Variants in DMAP1 observed in about 807,000 individuals in gnomAD.
The protein encoded by DMAP1 is DNA methyltransferase 1-associated protein 1.
DMAP1 carries 26 observed loss-of-function variants against 52.7 expected under a neutral mutation model. That is an observed-to-expected ratio of 0.49 (90% CI 0.36 to 0.68). The LOEUF (loss-of-function observed/expected upper bound fraction) is 0.68. Among genes scored for constraint, DMAP1 ranks in the 30% least tolerant of loss-of-function variants. The pLI, the probability that DMAP1 is intolerant of heterozygous loss-of-function variation, is 0.00. For synonymous variants in DMAP1, 231 were observed against 246.0 expected (o/e 0.94, Z 0.57); for missense variants, 439 against 625.2 (o/e 0.70, Z 3.18).
rs943861181 is a variant in DMAP1, at chr1:44,218,829, AACTCCC to A, written c.720+82_720+87del. On this transcript the variant is annotated intron_variant, in intron 5 of 9. Coordinates refer to ENST00000372289, the MANE Select transcript of DMAP1 (RefSeq NM_019100.5). The surrounding 1 kb of genome is among the most constrained non-coding windows in gnomAD (Gnocchi z 5.6). ...CATTGTCTCCATCCTCCATCCCCTC[AACTCCC>A]ACTCCCAGGTCCCCCTGCCTCCCAC... The A allele has an allele frequency of 2.5e-5, 39 of 1,532,010 alleles. No homozygotes were observed. In the Admixed American group the frequency reaches 7.4e-4, roughly 29 times the overall value. 94.9% of individuals were successfully genotyped at this position (1,532,010 alleles called of 1,614,324 possible). A position where few individuals can be genotyped will look rare whatever the true frequency, so the allele number is the denominator to read the frequency against.
Position 44,213,688 on chromosome 1 carries a change from C to T in DMAP1, c.-66C>T. On this transcript the variant is annotated 5_prime_UTR_variant, in exon 1 of 10. Coordinates refer to ENST00000372289, the MANE Select transcript of DMAP1 (RefSeq NM_019100.5). This position sits in a 1 kb window ranked among gnomAD's most constrained non-coding sequence, Gnocchi z 4.5. ...GTCTGGATTGGCCCCGCCCCCTGAC[C>T]TGAGCCTGGTCCTTCTTCAGGCACT... 6.7e-7 allele frequency: 1 copy of T among 1,484,610 alleles called. No homozygotes were observed. Among genetic ancestry groups the T allele is most frequent in the Non-Finnish European group, 9.2e-7 (1 of 1,088,638 alleles). 92.0% of individuals were successfully genotyped at this position (1,484,610 alleles called of 1,614,324 possible). A position where few individuals can be genotyped will look rare whatever the true frequency, so the allele number is the denominator to read the frequency against.
chr1:44,220,183 C>T lies in DMAP1; in HGVS notation c.1218C>T (p.Gly406=). 1.2e-6 allele frequency: 2 copies of T among 1,604,784 alleles called. No homozygotes were observed. The highest frequency in any genetic ancestry group is 2.7e-5 in the African/African-American group (2 of 74,900). ...TGGCCCGGGCTGGTGTGCTAGGGGG[C>T]CCTGCCACACCAGCATCAGGCCCAG... ...EALARAGVLG[G]PATPASGPGP... Residue 406 remains glycine, a synonymous_variant, in exon 9 of 10, where the codon GGC becomes GGT. Transcript: ENST00000372289.
chr1:44,218,688 T>C lies in DMAP1; in HGVS notation c.653T>C (p.Phe218Ser). ...GGCACAGACCTTAAGATACCAGTAT[T>C]TGATGCTGGGCACGAACGACGGCGG... ...VPGTDLKIPV[F>S]DAGHERRRKE... The change falls in exon 5 of 10, where the codon TTT (phenylalanine) becomes TCT (serine). Residue 218 changes from phenylalanine to serine, a missense_variant. This residue lies in a region of DMAP1 where 142 missense variants were observed against 149.5 expected (regional missense o/e 0.95). Transcript: ENST00000372289. This position sits in a 1 kb window ranked among gnomAD's most constrained non-coding sequence, Gnocchi z 5.6. 6.2e-7 allele frequency: 1 copy of C among 1,613,918 alleles called. No homozygotes were observed.
In DMAP1 at chr1:44,218,885, C is replaced by A; in HGVS notation, c.720+130C>A. ...CTGATACCTTATTAACTGCCCCAAG[C>A]CCATTCCTACTTCTCATGGGCCATC... On this transcript the variant is annotated intron_variant, in intron 5 of 9. Coordinates refer to ENST00000372289, the MANE Select transcript of DMAP1 (RefSeq NM_019100.5). This position sits in a 1 kb window ranked among gnomAD's most constrained non-coding sequence, Gnocchi z 5.6. 1 of 1,418,514 alleles carries A rather than the reference C, an allele frequency of 7.0e-7. No individual in the cohort carries two copies. The highest frequency in any genetic ancestry group is 2.4e-5 in the East Asian group (1 of 42,336). The allele number at this position is 1,418,514 out of a possible 1,614,324, so 87.9% of individuals were successfully genotyped here.
chr1:44,220,375 A>G, intron 9 of DMAP1, 66 bp downstream of exon 9: 1 of 1,522,674 alleles, frequency 6.6e-7, no homozygotes, highest in Non-Finnish European at 8.8e-7. Context: ...ACATGGGTGT[A>G]GGGGCTCCTC....
chr1:44,217,820 GGTA>G (rs1643825692), intron 3 of DMAP1: 1 of 234,882 alleles, frequency 4.3e-6, no homozygotes, highest in Admixed American at 4.9e-5. Context: ...TGCGTATGTT[GGTA>G]GTAGGATTCA....
intron 9 of DMAP1, 80 bp downstream of exon 9, chr1:44,220,389 C>G: frequency 6.6e-7 from 1 of 1,523,842 alleles, no homozygotes; most frequent in Non-Finnish European, 8.8e-7. Context: ...GCTCCTCTCC[C>G]TCTAGTGCCT....
intron 3 of DMAP1, chr1:44,217,109 AG>A (rs1413950311): frequency 1.3e-5 from 2 of 152,256 alleles, no homozygotes; most frequent in African/African-American, 2.4e-5. Context: ...AAAATTATAA[AG>A]ACAAAATACA....
In DMAP1 at chr1:44,218,778, G is replaced by A; in HGVS notation, c.720+23G>A. 2 of 1,579,752 alleles carry A rather than the reference G, an allele frequency of 1.3e-6. No individual in the cohort carries two copies. The highest frequency in any genetic ancestry group is 1.7e-6 in the Non-Finnish European group (2 of 1,158,284). On this transcript the variant is annotated intron_variant, in intron 5 of 9. Coordinates refer to ENST00000372289, the MANE Select transcript of DMAP1 (RefSeq NM_019100.5). The surrounding 1 kb of genome is among the most constrained non-coding windows in gnomAD (Gnocchi z 5.6). ...CAGGTAAGCCCAAGGCCACATACCT[G>A]TCCTCCATGCCCCAAACCCCTTGCT...
Position 44,219,154 on chromosome 1 carries a change from A to T in DMAP1, c.819A>T (p.Thr273=). The T allele has an allele frequency of 6.2e-7, 1 of 1,614,202 alleles. No homozygotes were observed. Among genetic ancestry groups the T allele is most frequent in the South Asian group, 1.1e-5 (1 of 91,080 alleles). Residue 273 remains threonine, a synonymous_variant, in exon 6 of 10, where the codon ACA becomes ACT. Coordinates refer to ENST00000372289, the MANE Select transcript of DMAP1 (RefSeq NM_019100.5). Reference sequence around the variant, plus strand: ...GCCAGGACCTGCAGAAGCTGATCACAGCGGCAGACACCACTGCAGAGCAGC... The same window carrying T: ...GCCAGGACCTGCAGAAGCTGATCACTGCGGCAGACACCACTGCAGAGCAGC... The part of the protein sequence containing the change: ...KRSQDLQKLI[T]AADTTAEQRR...
chr1:44,217,158 A>C (rs1312962530), intron 3 of DMAP1: 1 of 152,262 alleles, frequency 6.6e-6, no homozygotes, highest in Non-Finnish European at 1.5e-5. Flanking sequence ...ACAGCATACA[A>C]TTGCTGTAAA....
In DMAP1 at chr1:44,213,989, C is replaced by G. The variant is rs1238637850; in HGVS notation, c.105+131C>G. ...CGATAAAAGGGGTGACATAACAGGA[C>G]AGGGAATATGTGTCATCCTTGATGG... On this transcript the variant is annotated intron_variant, in intron 1 of 9. Transcript: ENST00000372289. This position sits in a 1 kb window ranked among gnomAD's most constrained non-coding sequence, Gnocchi z 4.5. The G allele has an allele frequency of 1.2e-6, 1 of 834,300 alleles. No individual in the cohort carries two copies. The highest frequency in any genetic ancestry group is 1.9e-6 in the Non-Finnish European group (1 of 516,930). 51.7% of individuals were successfully genotyped at this position (834,300 alleles called of 1,614,324 possible).
In DMAP1 at chr1:44,219,232, T is replaced by C. The variant is rs1319193864; in HGVS notation, c.897T>C (p.Ala299=). ...AGAAGCTACCCCAGAAAAAGGAGGC[T>C]GAGAAGCCGGTGCGGAGGTTCCGCC... ...PKKKLPQKKE[A]EKPAVPETAG... is the part of the protein sequence containing the mutation. The change falls in exon 6 of 10, where the codon GCT becomes GCC. Residue 299 remains alanine, a synonymous_variant. Transcript: ENST00000372289. 1.2e-6 allele frequency: 2 copies of C among 1,613,100 alleles called. No individual in the cohort carries two copies. The highest frequency in any genetic ancestry group is 2.2e-5 in the East Asian group (1 of 44,884).
intron 3 of DMAP1, chr1:44,216,608 C>T (rs1404559599): frequency 6.6e-6 from 1 of 152,076 alleles, no homozygotes; most frequent in Non-Finnish European, 1.5e-5. Context: ...ACCTGGGAAA[C>T]CAGAGAGACT....
At position 44,218,693 on chromosome 1, in the gene DMAP1, G is replaced by A; in HGVS notation, c.658G>A (p.Ala220Thr). ...AGACCTTAAGATACCAGTATTTGAT[G>A]CTGGGCACGAACGACGGCGGAAGGA... ...GTDLKIPVFD[A>T]GHERRRKEQL... Residue 220 changes from alanine to threonine, a missense_variant, in exon 5 of 10, where the codon GCT becomes ACT. Ala to Thr is a moderately conservative substitution (Grantham distance 58). This residue lies in a region of DMAP1 where 142 missense variants were observed against 149.5 expected (regional missense o/e 0.95). Coordinates refer to ENST00000372289, the MANE Select transcript of DMAP1 (RefSeq NM_019100.5). This position sits in a 1 kb window ranked among gnomAD's most constrained non-coding sequence, Gnocchi z 5.6. 1 of 1,613,868 alleles carries A rather than the reference G, an allele frequency of 6.2e-7. No individual in the cohort carries two copies. The highest frequency in any genetic ancestry group is 8.5e-7 in the Non-Finnish European group (1 of 1,179,826).
Position 44,218,550 on chromosome 1 carries a change from C to T in DMAP1, c.553-38C>T. 2.5e-6 allele frequency: 4 copies of T among 1,608,022 alleles called. No individual in the cohort carries two copies. The highest frequency in any genetic ancestry group is 3.4e-6 in the Non-Finnish European group (4 of 1,175,392). On this transcript the variant is annotated intron_variant, in intron 4 of 9. Transcript: ENST00000372289. The surrounding 1 kb of genome is among the most constrained non-coding windows in gnomAD (Gnocchi z 5.6). ...TTTTATGCCATCTCTTCCACATGCC[C>T]CTGAATGTTCATTCCTCTACCCTGT...
rs1272793441 is a variant in DMAP1 at position 44,220,153 on chromosome 1, G to A, written c.1188G>A (p.Glu396=). Reference sequence around the variant, plus strand: ...TGCAGATGCTGCGGCACCGTCATGAGGCACTGGCCCGGGCTGGTGTGCTAG... The same window carrying A: ...TGCAGATGCTGCGGCACCGTCATGAAGCACTGGCCCGGGCTGGTGTGCTAG... ...YELQMLRHRH[E]ALARAGVLGG... is the part of the protein sequence containing the mutation. The change falls in exon 9 of 10, where the codon GAG becomes GAA. Residue 396 remains glutamate, a synonymous_variant. Coordinates refer to ENST00000372289, the MANE Select transcript of DMAP1 (RefSeq NM_019100.5). The A allele has an allele frequency of 2.5e-6, 4 of 1,612,356 alleles. No homozygotes were observed. The highest frequency in any genetic ancestry group is 1.3e-5 in the African/African-American group (1 of 74,940).
rs1643849091 is a variant in DMAP1 at position 44,218,909 on chromosome 1, T to TC, written c.721-141dup. On this transcript the variant is annotated intron_variant, in intron 5 of 9. Transcript: ENST00000372289. This position sits in a 1 kb window ranked among gnomAD's most constrained non-coding sequence, Gnocchi z 5.6. ...GCCCATTCCTACTTCTCATGGGCCA[T>TC]CCCCCCTGCTTTTCATAGCCCTTCA... 2.9e-6 allele frequency: 4 copies of TC among 1,383,722 alleles called. No individual in the cohort carries two copies. The highest frequency in any genetic ancestry group is 2.0e-4 in the Middle Eastern group (1 of 5,046). The allele number at this position is 1,383,722 out of a possible 1,614,324, so 85.7% of individuals were successfully genotyped here. A position where few individuals can be genotyped will look rare whatever the true frequency, so the allele number is the denominator to read the frequency against.
Position 44,213,699 on chromosome 1 carries a change from CCTT to C in DMAP1, c.-50_-48del, listed in dbSNP as rs1267559018. 4.0e-6 allele frequency: 6 copies of C among 1,514,540 alleles called. No individual in the cohort carries two copies. The highest frequency in any genetic ancestry group is 1.2e-5 in the South Asian group (1 of 82,988). The allele number at this position is 1,514,540 out of a possible 1,614,324, so 93.8% of individuals were successfully genotyped here. On this transcript the variant is annotated 5_prime_UTR_variant, in exon 1 of 10. Transcript: ENST00000372289. This position sits in a 1 kb window ranked among gnomAD's most constrained non-coding sequence, Gnocchi z 4.5. ...CCCCGCCCCCTGACCTGAGCCTGGTCCTTCTTCAGGCACTGACCCTTGACCTCC... is the reference window on the plus strand; with the variant it reads ...CCCCGCCCCCTGACCTGAGCCTGGTCCTTCAGGCACTGACCCTTGACCTCC...
Sources: gnomAD v4.1 joint callset for allele counts on GRCh38, gnomAD v4.1.1 for gene constraint, gnomAD v4.1.1 regional missense constraint, Gnocchi (gnomAD v3.1) non-coding constraint, MANE v1.5 for transcripts, NCBI Gene and HGNC (gene_info 2026-07-23, HGNC 2026-07-21) for gene names.